Variants in LMBRD1 observed in about 807,000 individuals in gnomAD.
LMBRD1 encodes the protein LMBR1 domain containing 1.
LMBRD1 carries 64 observed loss-of-function variants against 74.8 expected under a neutral mutation model. The ratio of observed to expected loss-of-function variants is 0.86; its 90% CI spans 0.70 to 1.05. LMBRD1 has a LOEUF of 1.05. Ranked by LOEUF, LMBRD1 falls within the 50% of genes least tolerant of loss-of-function variation. The pLI, the probability that LMBRD1 is intolerant of heterozygous loss-of-function variation, is 0.00. For synonymous variants in LMBRD1, 204 were observed against 216.3 expected (o/e 0.94, Z 0.50); for missense variants, 652 against 645.9 (o/e 1.01, Z -0.10).
At chr6:69,761,649 T>C (rs77468661) in intron 3 of LMBRD1, among the ~76,000 whole-genome samples, 2,996 of 152,316 alleles carry the variant, frequency 0.02, 87 homozygotes, top group African/African-American at 0.068. Flanking sequence ...TGATACACAA[T>C]TTACATATCC....
chr6:69,769,987 T>C (rs1765546260), intron 3 of LMBRD1, among the ~76,000 whole-genome samples: 1 of 152,154 alleles, frequency 6.6e-6, no homozygotes, highest in Non-Finnish European at 1.5e-5. Context: ...TGGCTTTTCC[T>C]TTCTGGTCTC....
chr6:69,710,116 A>C (rs1459831369), intron 9 of LMBRD1, among the ~76,000 whole-genome samples: 7 of 152,192 alleles, frequency 4.6e-5, no homozygotes, highest in African/African-American at 7.2e-5. Flanking sequence ...TTCATGGCAG[A>C]TTATAAAGCT....
chr6:69,680,616 G>A (rs941470896), intron 14 of LMBRD1, among the ~76,000 whole-genome samples: 7 of 151,990 alleles, frequency 4.6e-5, no homozygotes, highest in Admixed American at 4.6e-4. Context: ...TTTGACAGAA[G>A]CCTTTTAAAA....
At chr6:69,795,580 A>G (rs1457964017) in intron 1 of LMBRD1, among the ~76,000 whole-genome samples, 1 of 152,186 alleles carries the variant, frequency 6.6e-6, no homozygotes, top group Non-Finnish European at 1.5e-5. Flanking sequence ...TTTTTTCTAA[A>G]CAAACTAAAT....
chr6:69,757,482 A>G (rs1173252530), intron 3 of LMBRD1, among the ~76,000 whole-genome samples: 1 of 152,170 alleles, frequency 6.6e-6, no homozygotes, highest in Non-Finnish European at 1.5e-5. Flanking sequence ...CCCTGATACA[A>G]CCTTCTAAGC....
At chr6:69,758,051 C>T (rs973850441) in intron 3 of LMBRD1, among the ~76,000 whole-genome samples, 1 of 152,034 alleles carries the variant, frequency 6.6e-6, no homozygotes, top group Non-Finnish European at 1.5e-5. Flanking sequence ...AAAAACTGTA[C>T]CAAAGAATAC....
chr6:69,713,511 A>C, intron 9 of LMBRD1, 134 bp downstream of exon 9: 1 of 859,514 alleles, frequency 1.2e-6, no homozygotes, highest in East Asian at 2.6e-5. Flanking sequence ...GCTGTGATTT[A>C]AAACCAGATT....
rs569263873 is a variant in LMBRD1, at chr6:69,695,247, A to T, written c.1417+2316T>A. Among the ~76,000 whole-genome samples, 12 of 152,154 alleles carry T rather than the reference A, an allele frequency of 7.9e-5. No individual in the cohort carries two copies. In the South Asian group the frequency reaches 8.3e-4, roughly 11 times the overall value. On this transcript the variant is annotated intron_variant, in intron 14 of 15. Transcript: ENST00000649934. ...ATTATCCCTGAAGTCTCTCCTAACT[A>T]AAAGAAAAAAAAAAAGTTCTTGACT...
At chr6:69,782,938 G>C (rs1381290211) in intron 2 of LMBRD1, among the ~76,000 whole-genome samples, 1 of 152,110 alleles carries the variant, frequency 6.6e-6, no homozygotes, top group Non-Finnish European at 1.5e-5. Flanking sequence ...AATGAAACTG[G>C]AGACAATCTA....
At chr6:69,726,691 G>A (rs540411974) in intron 7 of LMBRD1, among the ~76,000 whole-genome samples, 1 of 151,778 alleles carries the variant, frequency 6.6e-6, no homozygotes, top group East Asian at 1.9e-4. Flanking sequence ...AATTGAACTC[G>A]TGGAAACAGA....
chr6:69,752,493 T>TAGTA (rs1765180459), intron 3 of LMBRD1, 137 bp from the exon 4 acceptor site: 4 of 679,736 alleles, frequency 5.9e-6, no homozygotes, highest in South Asian at 5.8e-5. Context: ...TCTTTCTATA[T>TAGTA]AGTACATGAT....
chr6:69,793,747 G>A lies in LMBRD1; in HGVS notation c.69+3066C>T, dbSNP rs538773469. 1.9e-3 allele frequency among the ~76,000 whole-genome samples: 222 copies of A among 117,734 alleles called. 1 individual carries two copies. Among genetic ancestry groups the A allele is most frequent in the Middle Eastern group, 0.015 (3 of 198 alleles). The allele number at this position is 117,734 out of a possible 152,430, so 77.2% of individuals were successfully genotyped here. A position where few individuals can be genotyped will look rare whatever the true frequency, so the allele number is the denominator to read the frequency against. ...TTTTTTTTTTTTTTTTTTTTGAGACGAAGTTTCCCTCTGTTGCCCAGGCAC... is the reference window on the plus strand; with the variant it reads ...TTTTTTTTTTTTTTTTTTTTGAGACAAAGTTTCCCTCTGTTGCCCAGGCAC... On this transcript the variant is annotated intron_variant, in intron 1 of 15. Coordinates refer to ENST00000649934, the MANE Select transcript of LMBRD1 (RefSeq NM_018368.4).
At position 69,674,161 on chromosome 6, in the gene LMBRD1, T is replaced by C. The variant is rs1765499442; in HGVS notation, c.*1997A>G. Among the ~76,000 whole-genome samples the C allele has an allele frequency of 6.6e-6, 1 of 152,234 alleles. No homozygotes were observed. Among genetic ancestry groups the C allele is most frequent in the African/African-American group, 2.4e-5 (1 of 41,454 alleles). On this transcript the variant is annotated 3_prime_UTR_variant, in exon 16 of 16. Transcript: ENST00000649934. The stretch of plus-strand genomic sequence containing the variant: ...GCATCCTCACATGGCCTCTTCTTTG[T>C]ACATACACATTCTAGATGTCTCTCC...
At chr6:69,730,239 C>T (rs916862944) in intron 7 of LMBRD1, among the ~76,000 whole-genome samples, 4 of 152,024 alleles carry the variant, frequency 2.6e-5, no homozygotes, top group African/African-American at 7.2e-5. Context: ...TAGAAGGGCA[C>T]GTTTTCTTTA....
At chr6:69,795,644 A>G (rs899809445) in intron 1 of LMBRD1, among the ~76,000 whole-genome samples, 1 of 152,252 alleles carries the variant, frequency 6.6e-6, no homozygotes, top group Non-Finnish European at 1.5e-5. Context: ...GGGTGGCTGC[A>G]GAGACCACAG....
intron 2 of LMBRD1, among the ~76,000 whole-genome samples, chr6:69,789,260 A>T (rs1026437925): frequency 1.2e-4 from 19 of 152,240 alleles, no homozygotes; most frequent in African/African-American, 4.3e-4. Flanking sequence ...ATCGTGGCTC[A>T]TGCCTGCAAT....
chr6:69,746,963 G>C (rs1044018287), intron 5 of LMBRD1: 1 of 150,356 alleles, frequency 6.7e-6, no homozygotes, highest in Non-Finnish European at 1.5e-5. Context: ...ATCTCCCCTG[G>C]ACACAGTTTC....
At chr6:69,734,225 T>C (rs894756809) in intron 7 of LMBRD1, among the ~76,000 whole-genome samples, 1 of 152,172 alleles carries the variant, frequency 6.6e-6, no homozygotes, top group African/African-American at 2.4e-5. Flanking sequence ...TCTACCTATT[T>C]AGCAACTCTT....
At chr6:69,691,661 G>A (rs538360093) in intron 14 of LMBRD1, among the ~76,000 whole-genome samples, 8 of 152,132 alleles carry the variant, frequency 5.3e-5, no homozygotes, top group Admixed American at 5.2e-4. Flanking sequence ...CAGATCACGA[G>A]GTCAGGAGAT....
Sources: allele counts gnomAD v4.1 joint callset (sites outside exome capture counted in the v4.1 genomes callset), GRCh38; gene constraint gnomAD v4.1.1; transcripts MANE v1.5; gene names NCBI Gene and HGNC (gene_info 2026-07-23, HGNC 2026-07-21).